COL26A1: variants seen among roughly 807,000 people sequenced by gnomAD.
COL26A1 encodes the protein collagen type XXVI alpha 1 chain.
COL26A1 carries 41 observed loss-of-function variants against 59.3 expected under a neutral mutation model. The ratio of observed to expected loss-of-function variants is 0.69; its 90% CI spans 0.54 to 0.90. COL26A1 has a LOEUF of 0.90. Ranked by LOEUF, COL26A1 falls within the 40% of genes least tolerant of loss-of-function variation. The probability of loss-of-function intolerance (pLI) is 0.00; values close to 1 mark genes in which losing one functional copy is unlikely to be tolerated. For missense variants in COL26A1, 612 were observed against 602.3 expected (o/e 1.02, Z -0.17); for synonymous variants, 266 against 256.0 (o/e 1.04, Z -0.37).
chr7:101,544,166 AC>A (rs1795679165), intron 6 of COL26A1, 70 bp downstream of exon 6: 10 of 1,230,526 alleles, frequency 8.1e-6, no homozygotes, highest in Non-Finnish European at 1.0e-5. Flanking sequence ...CTCTACTGGA[AC>A]AGGCGAGGTG....
At chr7:101,544,128 C>A in intron 6 of COL26A1, 32 bp downstream of exon 6, 1 of 1,519,650 alleles carries the variant, frequency 6.6e-7, no homozygotes, top group South Asian at 1.2e-5. Flanking sequence ...GTGATGTTGT[C>A]AACCTGCGGA....
chr7:101,481,639 C>T (rs1035803040), intron 3 of COL26A1, among the ~76,000 whole-genome samples: 1 of 151,752 alleles, frequency 6.6e-6, no homozygotes, highest in South Asian at 2.1e-4. Context: ...TTTGTAGAAA[C>T]GGGGTCACGC....
chr7:101,545,267 T>TC, intron 6 of COL26A1, 71 bp from the exon 7 acceptor site: 1 of 1,412,634 alleles, frequency 7.1e-7, no homozygotes, highest in East Asian at 2.5e-5. Context: ...GGCCTCAGTT[T>TC]CCCCATTTGT....
intron 3 of COL26A1, among the ~76,000 whole-genome samples, chr7:101,524,709 T>C (rs939851041): frequency 2.6e-5 from 4 of 152,258 alleles, no homozygotes; most frequent in African/African-American, 9.6e-5. Flanking sequence ...ATGGTATCAC[T>C]TAATTTCTTT....
rs1002741299 is a variant in COL26A1, at chr7:101,396,153, G to T, written c.159-23824G>T. Among the ~76,000 whole-genome samples the T allele has an allele frequency of 3.9e-5, 6 of 151,978 alleles. 1 individual carries two copies. Among genetic ancestry groups the T allele is most frequent in the Admixed American group, 3.9e-4 (6 of 15,250 alleles). The stretch of plus-strand genomic sequence containing the variant: ...GTGGTGGTGAGTGCCTATAGTCCCA[G>T]CTACTGGGGAGGGTGAGGGGGGGAT... On this transcript the variant is annotated intron_variant, in intron 1 of 12. Transcript: ENST00000313669.
intron 3 of COL26A1, among the ~76,000 whole-genome samples, chr7:101,480,741 G>T (rs973845590): frequency 6.6e-6 from 1 of 152,130 alleles, no homozygotes; most frequent in East Asian, 1.9e-4. Flanking sequence ...GGGCTCAAGC[G>T]ATCCTCCCGC....
At chr7:101,429,149 C>G (rs1038760971) in intron 2 of COL26A1, among the ~76,000 whole-genome samples, 3 of 152,094 alleles carry the variant, frequency 2.0e-5, no homozygotes, top group Non-Finnish European at 2.9e-5. Flanking sequence ...GTCTCAAACT[C>G]CTGATCTTAA....
upstream of COL26A1, among the ~76,000 whole-genome samples, chr7:101,362,478 C>A (rs1790912844): frequency 1.3e-5 from 2 of 152,172 alleles, no homozygotes; most frequent in South Asian, 4.1e-4. Context: ...GAGCCCTGCA[C>A]AAGGATCGGA....
intron 3 of COL26A1, among the ~76,000 whole-genome samples, chr7:101,530,278 A>C (rs1375513677): frequency 2.6e-5 from 4 of 151,930 alleles, no homozygotes; most frequent in Non-Finnish European, 5.9e-5. Flanking sequence ...GTTTAAGAGG[A>C]AGGCACTAGG....
chr7:101,509,314 C>T (rs1794874075), intron 3 of COL26A1, among the ~76,000 whole-genome samples: 1 of 151,696 alleles, frequency 6.6e-6, no homozygotes, highest in Admixed American at 6.6e-5. Flanking sequence ...GACGTGGTAG[C>T]AGGCGCCTGT....
chr7:101,526,891 C>G (rs762928793), intron 3 of COL26A1, among the ~76,000 whole-genome samples: 1 of 152,184 alleles, frequency 6.6e-6, no homozygotes, highest in Non-Finnish European at 1.5e-5. Flanking sequence ...TCAAGCCACA[C>G]GGTGAGTTCC....
chr7:101,413,525 A>AGG (rs1792292858), intron 1 of COL26A1, among the ~76,000 whole-genome samples: 1 of 145,284 alleles, frequency 6.9e-6, no homozygotes, highest in Non-Finnish European at 1.5e-5. Context: ...ATCTCAAGAA[A>AGG]AGAAAGGAAA....
intron 1 of COL26A1, among the ~76,000 whole-genome samples, chr7:101,381,512 C>T (rs746777196): frequency 6.6e-6 from 1 of 152,126 alleles, no homozygotes; most frequent in African/African-American, 2.4e-5. Context: ...TTTATTGGCT[C>T]ATGGCTCTGG....
chr7:101,409,804 A>G (rs944692620), intron 1 of COL26A1, among the ~76,000 whole-genome samples: 1 of 152,156 alleles, frequency 6.6e-6, no homozygotes, highest in African/African-American at 2.4e-5. Flanking sequence ...TCTGTTGCCC[A>G]GGCGGGAGTG....
At chr7:101,463,986 G>C in intron 3 of COL26A1, among the ~76,000 whole-genome samples, 1 of 135,596 alleles carries the variant, frequency 7.4e-6, no homozygotes, top group Non-Finnish European at 1.6e-5. Context: ...CTTTTTTTGT[G>C]ACAGGGTCTT....
At chr7:101,478,259 G>A (rs1421149883) in intron 3 of COL26A1, among the ~76,000 whole-genome samples, 1 of 152,168 alleles carries the variant, frequency 6.6e-6, no homozygotes, top group Non-Finnish European at 1.5e-5. Context: ...GGGATTACAG[G>A]CATGAGCCGC....
upstream of COL26A1, among the ~76,000 whole-genome samples, chr7:101,362,568 G>A (rs1177113657): frequency 6.6e-6 from 1 of 152,198 alleles, no homozygotes; most frequent in African/African-American, 2.4e-5. Flanking sequence ...AGTGTGGCGA[G>A]GATTCACCAA....
At chr7:101,466,768 G>A (rs904793088) in intron 3 of COL26A1, among the ~76,000 whole-genome samples, 1 of 150,848 alleles carries the variant, frequency 6.6e-6, no homozygotes, top group African/African-American at 2.4e-5. Flanking sequence ...GGACTGAGAT[G>A]AGAATGCTAA....
At chr7:101,445,310 T>C (rs1793159525) in intron 2 of COL26A1, among the ~76,000 whole-genome samples, 1 of 152,050 alleles carries the variant, frequency 6.6e-6, no homozygotes, top group African/African-American at 2.4e-5. Context: ...GGAGACTGGG[T>C]AATTTATAAA....
Sources: allele counts gnomAD v4.1 joint callset (sites outside exome capture counted in the v4.1 genomes callset), GRCh38; gene constraint gnomAD v4.1.1; transcripts MANE v1.5; gene names NCBI Gene and HGNC (gene_info 2026-07-23, HGNC 2026-07-21).